The following MAP3K7CL variants were observed in gnomAD, a reference collection of about 807,000 sequenced individuals.
MAP3K7CL encodes the protein MAP3K7 C-terminal like.
Under a neutral mutation model 18.6 loss-of-function variants are expected in MAP3K7CL, and 16 were observed. The observed-to-expected ratio is 0.86, with a 90% CI of 0.58 to 1.31. The LOEUF (loss-of-function observed/expected upper bound fraction) is 1.31. MAP3K7CL is among the 50% of genes most tolerant of loss of function. The pLI, the probability that MAP3K7CL is intolerant of heterozygous loss-of-function variation, is 0.00. For synonymous variants in MAP3K7CL, 65 were observed against 66.8 expected (o/e 0.97, Z 0.13); for missense variants, 163 against 174.4 (o/e 0.93, Z 0.37).
intron 4 of MAP3K7CL, among the ~76,000 whole-genome samples, chr21:29,100,815 C>G (rs2086216017): frequency 6.7e-6 from 1 of 148,488 alleles, no homozygotes; most frequent in Non-Finnish European, 1.5e-5. Flanking sequence ...TGGGTTCCCA[C>G]CATTCTCCTG....
At chr21:29,132,576 C>T (rs1001237614) in intron 1 of MAP3K7CL, among the ~76,000 whole-genome samples, 2 of 152,120 alleles carry the variant, frequency 1.3e-5, no homozygotes, top group Admixed American at 6.5e-5. Context: ...GTGGTACGAT[C>T]TCGGTTGACT....
At chr21:29,134,770 C>G (rs1415060387) in intron 2 of MAP3K7CL, among the ~76,000 whole-genome samples, 1 of 152,166 alleles carries the variant, frequency 6.6e-6, no homozygotes, top group Non-Finnish European at 1.5e-5. Flanking sequence ...AACCATGCAG[C>G]CGGGCACGGT....
At chr21:29,124,146 A>G (rs2146598686) in intron 4 of MAP3K7CL, among the ~76,000 whole-genome samples, 1 of 152,126 alleles carries the variant, frequency 6.6e-6, no homozygotes, top group South Asian at 2.1e-4. Flanking sequence ...TGAGGTCAGG[A>G]GTTCAAGACC....
At chr21:29,129,474 A>G (rs1000567827), upstream of MAP3K7CL, among the ~76,000 whole-genome samples, 9 of 152,248 alleles carry the variant, frequency 5.9e-5, no homozygotes, top group South Asian at 2.1e-4. Context: ...TTCATTTAGT[A>G]ATATGCACTT....
chr21:29,093,750 C>T (rs1389781995), intron 4 of MAP3K7CL, among the ~76,000 whole-genome samples: 2 of 152,134 alleles, frequency 1.3e-5, no homozygotes, highest in Non-Finnish European at 2.9e-5. Flanking sequence ...CTCGGCCTCC[C>T]AAAGTGCTGG....
intron 4 of MAP3K7CL, among the ~76,000 whole-genome samples, chr21:29,121,010 G>A (rs959248346): frequency 1.6e-5 from 2 of 127,060 alleles, no homozygotes; most frequent in African/African-American, 5.9e-5. Context: ...AGGCATCAGT[G>A]AGCTATGATT....
intron 1 of MAP3K7CL, among the ~76,000 whole-genome samples, chr21:29,086,604 A>C (rs1344762093): frequency 6.6e-6 from 1 of 152,178 alleles, no homozygotes; most frequent in Non-Finnish European, 1.5e-5. Flanking sequence ...GATTTTACTT[A>C]AGTTTCATTG....
intron 4 of MAP3K7CL, among the ~76,000 whole-genome samples, chr21:29,099,717 A>T (rs950801303): frequency 7.9e-5 from 12 of 152,080 alleles, no homozygotes; most frequent in Non-Finnish European, 1.5e-4. Flanking sequence ...TGGTCAGAGC[A>T]GGTTAGAAAC....
chr21:29,136,337 G>C (rs528746024), intron 2 of MAP3K7CL, among the ~76,000 whole-genome samples: 3 of 152,202 alleles, frequency 2.0e-5, no homozygotes, highest in African/African-American at 7.2e-5. Flanking sequence ...GTGGCCTGCA[G>C]ACCACACATT....
chr21:29,109,336 AATTT>A, intron 4 of MAP3K7CL: 2 of 1,398,880 alleles, frequency 1.4e-6, no homozygotes, highest in Non-Finnish European at 1.9e-6. Context: ...TCTAGTAATT[AATTT>A]GATTTTCATT....
chr21:29,109,065 C>A lies in MAP3K7CL; in HGVS notation c.370+16484C>A, dbSNP rs1482674649. 2.0e-6 allele frequency: 3 copies of A among 1,534,770 alleles called. No homozygotes were observed. In the Admixed American group the frequency reaches 5.9e-5, roughly 30 times the overall value. On this transcript the variant is annotated intron_variant, in intron 4 of 6. Transcript: ENST00000286791. ...GTTGACATTCGTAACCTTCCTGGAT[C>A]CTATCAGAGAAACCTTGTTCATCAT...
In MAP3K7CL at chr21:29,109,535, A is replaced by G. The variant is rs77825704; in HGVS notation, c.370+16954A>G. 1.9e-3 allele frequency: 1,981 copies of G among 1,054,816 alleles called. 37 individuals carry two copies. The African/African-American group carries it at 0.031, about 16-fold the overall frequency. 65.3% of individuals were successfully genotyped at this position (1,054,816 alleles called of 1,614,324 possible). A position where few individuals can be genotyped will look rare whatever the true frequency, so the allele number is the denominator to read the frequency against. On this transcript the variant is annotated intron_variant, in intron 4 of 6. Coordinates refer to the MAP3K7CL transcript ENST00000286791. ...GGAATAGATTTTGACCAGCAATTCC[A>G]TAAGTACTTTACTCTACTGAAATCC... is the stretch of plus-strand genomic sequence containing the variant.
intron 2 of MAP3K7CL, among the ~76,000 whole-genome samples, chr21:29,142,997 A>G (rs895369405): frequency 2.6e-5 from 4 of 152,202 alleles, no homozygotes; most frequent in Non-Finnish European, 4.4e-5. Context: ...ATGAGCCTCA[A>G]CACTTAAGCC....
intron 2 of MAP3K7CL, among the ~76,000 whole-genome samples, chr21:29,141,565 T>C (rs1197574248): frequency 2.0e-5 from 3 of 152,144 alleles, no homozygotes; most frequent in Admixed American, 2.0e-4. Context: ...ATCAAGTCTC[T>C]TTTTTGCATA....
intron 4 of MAP3K7CL, among the ~76,000 whole-genome samples, chr21:29,104,462 T>C (rs763477151): frequency 6.6e-6 from 1 of 152,198 alleles, no homozygotes; most frequent in Non-Finnish European, 1.5e-5. Context: ...AGTTGCATGG[T>C]GGACAGAACA....
intron 1 of MAP3K7CL, among the ~76,000 whole-genome samples, chr21:29,091,312 C>T (rs572138711): frequency 6.6e-6 from 1 of 152,232 alleles, no homozygotes; most frequent in South Asian, 2.1e-4. Context: ...GCCTGTGTTC[C>T]CTCTAAGAGA....
At position 29,135,503 on chromosome 21, in the gene MAP3K7CL, C is replaced by T. The variant is rs2086866558; in HGVS notation, c.70+2089C>T. On this transcript the variant is annotated intron_variant, in intron 2 of 4. Coordinates refer to ENST00000399928, the MANE Select transcript of MAP3K7CL (RefSeq NM_001286620.2). ...ATCTCAGGCAGTATTAATTTTGGAC[C>T]AAATAAATGTACTGTTCCCCTGTCA... is the stretch of plus-strand genomic sequence containing the variant. Among the ~76,000 whole-genome samples the T allele has an allele frequency of 2.0e-5, 3 of 152,104 alleles. No homozygotes were observed. The South Asian group carries it at 6.2e-4, about 32-fold the overall frequency.
At chr21:29,134,605 G>T (rs2086844402) in intron 2 of MAP3K7CL, among the ~76,000 whole-genome samples, 1 of 152,144 alleles carries the variant, frequency 6.6e-6, no homozygotes, top group Admixed American at 6.5e-5. Flanking sequence ...CCGTTGTACT[G>T]TGTCCTCACT....
chr21:29,086,601 C>A (rs906499427), intron 1 of MAP3K7CL, among the ~76,000 whole-genome samples: 1 of 152,156 alleles, frequency 6.6e-6, no homozygotes, highest in South Asian at 2.1e-4. Context: ...TAAGATTTTA[C>A]TTAAGTTTCA....
Sources: gnomAD v4.1 joint callset for allele counts (sites outside exome capture counted in the v4.1 genomes callset) on GRCh38, gnomAD v4.1.1 for gene constraint, MANE v1.5 for transcripts, NCBI Gene and HGNC (gene_info 2026-07-23, HGNC 2026-07-21) for gene names.